The following RAPGEF4 variants were observed in gnomAD, a reference collection of about 807,000 sequenced individuals.
RAPGEF4 encodes Rap guanine nucleotide exchange factor 4, also known as RAP guanine-nucleotide-exchange factor (GEF) 4.
In RAPGEF4, 66 loss-of-function variants were observed where a neutral mutation model predicts 147.9. The observed-to-expected ratio is 0.45, with a 90% CI of 0.37 to 0.55. RAPGEF4 has a LOEUF of 0.55. Ranked by LOEUF, RAPGEF4 falls within the 20% of genes least tolerant of loss-of-function variation. The pLI is 0.00. For synonymous variants in RAPGEF4, 419 were observed against 442.7 expected, an observed-to-expected ratio of 0.95 and a Z score of 0.67; for missense variants, 1,071 against 1,257.3, an observed-to-expected ratio of 0.85 and a Z score of 2.24.
chr2:173,021,574 C>A (rs1268261941), intron 23 of RAPGEF4, among the ~76,000 whole-genome samples: 1 of 151,906 alleles, frequency 6.6e-6, no homozygotes, highest in African/African-American at 2.4e-5. Context: ...GGCAACAGAG[C>A]GAGACTCTGC....
At chr2:172,855,465 T>A (rs1352753884) in intron 4 of RAPGEF4, among the ~76,000 whole-genome samples, 1 of 152,196 alleles carries the variant, frequency 6.6e-6, no homozygotes, top group African/African-American at 2.4e-5. Flanking sequence ...GTAATATTTT[T>A]AAAGTATGTG....
In RAPGEF4 at chr2:172,983,507, G is replaced by A. The variant is rs776096310; in HGVS notation, c.1016G>A (p.Arg339Lys). ...RMILRKPPGQRTVDDLEIIYE... is the reference protein window; with the variant it reads ...RMILRKPPGQKTVDDLEIIYE... Reference sequence around the variant, plus strand: ...TTTTATCTTTGTAGACCTGGCCAGAGGACTGTGGATGACCTAGAGATTATC... The same window carrying A: ...TTTTATCTTTGTAGACCTGGCCAGAAGACTGTGGATGACCTAGAGATTATC... Residue 339 changes from arginine to lysine, a missense_variant, in exon 11 of 31, where the codon AGG becomes AAG. By Grantham distance (26) the Arg-to-Lys change is conservative. Transcript: ENST00000397081. The A allele has an allele frequency of 1.2e-6, 2 of 1,611,006 alleles. No individual in the cohort carries two copies. The highest frequency in any genetic ancestry group is 1.7e-6 in the Non-Finnish European group (2 of 1,179,582).
At chr2:172,961,024 A>G (rs1014523438) in intron 7 of RAPGEF4, 98 bp from the exon 8 acceptor site, 10 of 1,008,646 alleles carry the variant, frequency 9.9e-6, no homozygotes, top group Non-Finnish European at 1.4e-5. Flanking sequence ...TTTCCAAGCC[A>G]GAGTCAGATT....
chr2:172,952,641 A>G (rs1477552820), intron 6 of RAPGEF4, among the ~76,000 whole-genome samples: 1 of 152,186 alleles, frequency 6.6e-6, no homozygotes, highest in African/African-American at 2.4e-5. Context: ...GAAAAAATGA[A>G]CTACTTTGTA....
chr2:172,947,373 A>G (rs1245969114), intron 6 of RAPGEF4, among the ~76,000 whole-genome samples: 1 of 152,132 alleles, frequency 6.6e-6, no homozygotes, highest in African/African-American at 2.4e-5. Flanking sequence ...TGTTTTACGT[A>G]GTAGTAGATA....
chr2:173,005,863 G>GT, intron 17 of RAPGEF4, among the ~76,000 whole-genome samples: 1 of 152,274 alleles, frequency 6.6e-6, no homozygotes, highest in Admixed American at 6.5e-5. Context: ...GTACAGGGAG[G>GT]TCTAATAACT....
chr2:172,882,144 C>G (rs1209997717), intron 4 of RAPGEF4, among the ~76,000 whole-genome samples: 2 of 152,176 alleles, frequency 1.3e-5, no homozygotes, highest in East Asian at 3.8e-4. Flanking sequence ...TATTTCTGTA[C>G]TAACCATCTG....
At chr2:172,941,895 A>G (rs1281184456) in intron 6 of RAPGEF4, among the ~76,000 whole-genome samples, 3 of 152,170 alleles carry the variant, frequency 2.0e-5, no homozygotes, top group Non-Finnish European at 4.4e-5. Flanking sequence ...CACACAGCAC[A>G]GTACCTGAAA....
At chr2:172,788,150 C>T (rs181374654) in intron 1 of RAPGEF4, among the ~76,000 whole-genome samples, 172 of 152,296 alleles carry the variant, frequency 1.1e-3, no homozygotes, top group African/African-American at 3.8e-3. Context: ...TCTGCCCTTA[C>T]GGTCTAATCA....
At chr2:172,767,505 T>C (rs1269038306) in intron 1 of RAPGEF4, among the ~76,000 whole-genome samples, 1 of 152,078 alleles carries the variant, frequency 6.6e-6, no homozygotes, top group Non-Finnish European at 1.5e-5. Context: ...AAAAAACATA[T>C]AAACATATGC....
At chr2:172,903,386 A>AG (rs1372426654) in intron 4 of RAPGEF4, among the ~76,000 whole-genome samples, 10 of 150,210 alleles carry the variant, frequency 6.7e-5, no homozygotes, top group South Asian at 2.1e-4. Context: ...AAAAAAAAAA[A>AG]AAGAAGCCGG....
intron 17 of RAPGEF4, 152 bp from the exon 18 acceptor site, chr2:173,014,312 T>C (rs1695303538): frequency 2.2e-6 from 2 of 907,578 alleles, no homozygotes; most frequent in Non-Finnish European, 3.4e-6. Context: ...CACAGACACT[T>C]TCTGTGGGGT....
intron 4 of RAPGEF4, among the ~76,000 whole-genome samples, chr2:172,903,316 C>T (rs375159233): frequency 2.2e-5 from 3 of 135,176 alleles, no homozygotes; most frequent in African/African-American, 5.6e-5. Flanking sequence ...TTGCAGTGAG[C>T]GGAGATTGCG....
intron 4 of RAPGEF4, among the ~76,000 whole-genome samples, chr2:172,897,441 C>T (rs1426141725): frequency 2.0e-5 from 3 of 151,990 alleles, no homozygotes; most frequent in Admixed American, 6.6e-5. Flanking sequence ...CTCTGTCACC[C>T]GGACCAGAGT....
At position 172,752,832 on chromosome 2, in the gene RAPGEF4, C is replaced by T. The variant is rs73979544; in HGVS notation, c.65+16784C>T. On this transcript the variant is annotated intron_variant, in intron 1 of 30. Transcript: ENST00000397081. Reference sequence around the variant, plus strand: ...TTTATTGTGCTCTTTTATCTCCTTGCGCTGTAGCTGTACATTATCAGCTTG... The same window carrying T: ...TTTATTGTGCTCTTTTATCTCCTTGTGCTGTAGCTGTACATTATCAGCTTG... 7.3e-3 allele frequency among the ~76,000 whole-genome samples: 1,118 copies of T among 152,288 alleles called. 17 individuals carry two copies. The highest frequency in any genetic ancestry group is 0.025 in the African/African-American group (1,047 of 41,568).
At chr2:172,954,161 G>T (rs572552512) in intron 6 of RAPGEF4, among the ~76,000 whole-genome samples, 1 of 152,212 alleles carries the variant, frequency 6.6e-6, no homozygotes, top group South Asian at 2.1e-4. Context: ...AGCTGAAAAC[G>T]CCCCATCCCC....
rs542128491 is a variant in RAPGEF4 at position 172,993,318 on chromosome 2, T to C, written c.1490+2393T>C. ...TTATGCGGGTTTAGTAAGAAAGAAT[T>C]TGAAATGCATATTCCTGTTTTCGTT... On this transcript the variant is annotated intron_variant, in intron 15 of 30. Coordinates refer to ENST00000397081, the MANE Select transcript of RAPGEF4 (RefSeq NM_007023.4). Among the ~76,000 whole-genome samples, 6 of 152,310 alleles carry C rather than the reference T, an allele frequency of 3.9e-5. No homozygotes were observed. The South Asian group carries it at 1.2e-3, about 32-fold the overall frequency.
chr2:172,805,632 A>G (rs964049944), intron 3 of RAPGEF4, among the ~76,000 whole-genome samples: 2 of 152,148 alleles, frequency 1.3e-5, no homozygotes, highest in Admixed American at 1.3e-4. Flanking sequence ...TGACATGTTC[A>G]CGTAGATTTC....
intron 4 of RAPGEF4, among the ~76,000 whole-genome samples, chr2:172,818,041 T>C (rs1688685281): frequency 6.6e-6 from 1 of 151,184 alleles, no homozygotes; most frequent in Admixed American, 6.6e-5. Context: ...CACGGCAATC[T>C]GGGTGGAATT....
Sources: allele counts gnomAD v4.1 joint callset (sites outside exome capture counted in the v4.1 genomes callset), GRCh38; gene constraint gnomAD v4.1.1; transcripts MANE v1.5; gene names NCBI Gene and HGNC (gene_info 2026-07-23, HGNC 2026-07-21).